Variants in SLC44A1 observed in about 807,000 individuals in gnomAD.
The protein encoded by SLC44A1 is choline transporter-like protein 1.
SLC44A1 carries 26 observed loss-of-function variants against 79.3 expected under a neutral mutation model. The ratio of observed to expected loss-of-function variants is 0.33; its 90% CI spans 0.24 to 0.46. The LOEUF (loss-of-function observed/expected upper bound fraction) is 0.46. SLC44A1 is among the 20% of genes least tolerant of loss of function. SLC44A1 has a pLI of 1.00. For missense variants in SLC44A1, 688 were observed against 798.1 expected (o/e 0.86, Z 1.66); for synonymous variants, 263 against 286.2 (o/e 0.92, Z 0.82).
chr9:105,426,819 C>T (rs981856063), intron 15 of SLC44A1, among the ~76,000 whole-genome samples: 5 of 152,162 alleles, frequency 3.3e-5, no homozygotes, highest in Admixed American at 2.0e-4. Flanking sequence ...ATATTAGTTA[C>T]AACCAAGTAA....
chr9:105,280,853 A>T (rs1830333880), intron 1 of SLC44A1, among the ~76,000 whole-genome samples: 1 of 152,208 alleles, frequency 6.6e-6, no homozygotes, highest in Non-Finnish European at 1.5e-5. Flanking sequence ...TAAGCTACCG[A>T]TGTAAAGTCC....
chr9:105,390,885 A>T lies in SLC44A1; in HGVS notation c.*1829A>T. 1 of 984,472 alleles carries T rather than the reference A, an allele frequency of 1.0e-6. No individual in the cohort carries two copies. The highest frequency in any genetic ancestry group is 1.2e-6 in the Non-Finnish European group (1 of 828,722). The allele number at this position is 984,472 out of a possible 1,614,324, so 61.0% of individuals were successfully genotyped here. ...AAAGAATAATTCTCCAGAAGTTAAC[A>T]TCTAATATCTAGTATCACCAAACAG... is the stretch of plus-strand genomic sequence containing the variant. On this transcript the variant is annotated 3_prime_UTR_variant, in exon 16 of 16. Coordinates refer to ENST00000374720, the MANE Select transcript of SLC44A1 (RefSeq NM_080546.5).
Position 105,394,191 on chromosome 9 carries a change from G to A in SLC44A1, c.*5135G>A. 1 of 985,388 alleles carries A rather than the reference G, an allele frequency of 1.0e-6. No individual in the cohort carries two copies. 61.0% of individuals were successfully genotyped at this position (985,388 alleles called of 1,614,324 possible). On this transcript the variant is annotated 3_prime_UTR_variant, in exon 16 of 16. Transcript: ENST00000374720. ...CAAAAGGCTGCTCTAAAGTTGTTCT[G>A]ATAATGTGTTTTGAAATGAGGAAGT...
intron 3 of SLC44A1, among the ~76,000 whole-genome samples, chr9:105,330,076 A>G (rs1028106392): frequency 1.3e-5 from 2 of 152,336 alleles, no homozygotes; most frequent in Admixed American, 1.3e-4. Context: ...CCAGGAGTAT[A>G]CACCTAGTAA....
rs763190255 is a variant in SLC44A1, at chr9:105,364,727, A to AT, written c.1253+8dup. On this transcript the variant is annotated splice_region_variant and intron_variant, in intron 10 of 15. Coordinates refer to ENST00000374720, the MANE Select transcript of SLC44A1 (RefSeq NM_080546.5). ...TAACATACTATTTTACTAGGTAAGA[A>AT]TATGTTGTTATTAGAAAACTCGAGT... is the stretch of plus-strand genomic sequence containing the variant. The AT allele has an allele frequency of 2.0e-5, 32 of 1,607,040 alleles. No homozygotes were observed. Among genetic ancestry groups the AT allele is most frequent in the Non-Finnish European group, 2.7e-5 (32 of 1,176,218 alleles).
chr9:105,402,908 C>T (rs972695614), intron 15 of SLC44A1, among the ~76,000 whole-genome samples: 1 of 151,634 alleles, frequency 6.6e-6, no homozygotes, highest in African/African-American at 2.4e-5. Context: ...AACTCCATAG[C>T]TCAAGCGATC....
intron 15 of SLC44A1, among the ~76,000 whole-genome samples, chr9:105,421,845 C>T (rs1829255197): frequency 6.6e-6 from 1 of 152,194 alleles, no homozygotes; most frequent in African/African-American, 2.4e-5. Context: ...CCTCGGCCTC[C>T]CAAAGTGCTG....
At position 105,260,690 on chromosome 9, in the gene SLC44A1, A is replaced by C. The variant is rs534044291; in HGVS notation, c.36+15786A>C. Among the ~76,000 whole-genome samples the C allele has an allele frequency of 5.3e-5, 8 of 152,308 alleles. No individual in the cohort carries two copies. In the East Asian group the frequency reaches 1.5e-3, roughly 29 times the overall value. The stretch of plus-strand genomic sequence containing the variant: ...ATTAGGTAGGGTAAATGATTGACAA[A>C]AGAATCCTTCAAGTTTGAAACTTGA... On this transcript the variant is annotated intron_variant, in intron 1 of 15. Transcript: ENST00000374720.
intron 12 of SLC44A1, among the ~76,000 whole-genome samples, chr9:105,373,428 A>C (rs1828175464): frequency 6.6e-6 from 1 of 152,218 alleles, no homozygotes; most frequent in Admixed American, 6.5e-5. Context: ...TGGAAAAAAA[A>C]ATCAGTCTGT....
chr9:105,251,304 C>T (rs1280146961), intron 1 of SLC44A1, among the ~76,000 whole-genome samples: 1 of 152,158 alleles, frequency 6.6e-6, no homozygotes, highest in African/African-American at 2.4e-5. Flanking sequence ...ACCTGCCTCT[C>T]ACTCTTCTAT....
chr9:105,275,878 C>T (rs1168311642), intron 1 of SLC44A1, among the ~76,000 whole-genome samples: 1 of 151,550 alleles, frequency 6.6e-6, no homozygotes, highest in Admixed American at 6.6e-5. Context: ...GATCTCAGCT[C>T]ACTGCAATCT....
intron 1 of SLC44A1, among the ~76,000 whole-genome samples, chr9:105,269,797 G>C: frequency 6.6e-6 from 1 of 152,170 alleles, no homozygotes; most frequent in Admixed American, 6.5e-5. Flanking sequence ...AATCCTCTTG[G>C]TGTTTGTTCA....
At chr9:105,397,671 G>A (rs191097044), downstream of SLC44A1, among the ~76,000 whole-genome samples, 101 of 152,258 alleles carry the variant, frequency 6.6e-4, 2 homozygotes, top group East Asian at 0.016. Context: ...TGGGCCGGGC[G>A]TGGTGGCTCA....
At chr9:105,268,588 C>A (rs958577516) in intron 1 of SLC44A1, among the ~76,000 whole-genome samples, 1 of 152,084 alleles carries the variant, frequency 6.6e-6, no homozygotes, top group African/African-American at 2.4e-5. Context: ...ACTGCAACCT[C>A]CACCTCCTGG....
intron 1 of SLC44A1, among the ~76,000 whole-genome samples, chr9:105,254,255 C>G (rs1200155731): frequency 6.6e-6 from 1 of 152,152 alleles, no homozygotes; most frequent in Non-Finnish European, 1.5e-5. Flanking sequence ...CCCTCAAGAT[C>G]CCAAGATGGC....
intron 1 of SLC44A1, among the ~76,000 whole-genome samples, chr9:105,279,246 A>G (rs1830289633): frequency 6.6e-6 from 1 of 151,714 alleles, no homozygotes; most frequent in Admixed American, 6.6e-5. Context: ...TTTTAATAAT[A>G]TGCTCAAAAA....
chr9:105,425,893 T>A lies in SLC44A1; in HGVS notation c.1951-12388T>A, dbSNP rs1289460578. Among the ~76,000 whole-genome samples, 4 of 152,180 alleles carry A rather than the reference T, an allele frequency of 2.6e-5. No individual in the cohort carries two copies. In the East Asian group the frequency reaches 7.7e-4, roughly 29 times the overall value. On this transcript the variant is annotated intron_variant, in intron 15 of 15. Coordinates refer to the SLC44A1 transcript ENST00000374724. Reference sequence around the variant, plus strand: ...AGGCAGAAAATTCTTACTGGAAAGATGGTCACTGGGACTCGTAATCAGCAA... The same window carrying A: ...AGGCAGAAAATTCTTACTGGAAAGAAGGTCACTGGGACTCGTAATCAGCAA...
At chr9:105,328,168 G>T (rs747402598) in intron 3 of SLC44A1, among the ~76,000 whole-genome samples, 1 of 152,190 alleles carries the variant, frequency 6.6e-6, no homozygotes, top group East Asian at 1.9e-4. Flanking sequence ...CACTAAGGAT[G>T]TAGGGATGAA....
At chr9:105,314,364 T>C (rs1286644913) in intron 3 of SLC44A1, among the ~76,000 whole-genome samples, 2 of 152,164 alleles carry the variant, frequency 1.3e-5, no homozygotes, top group Non-Finnish European at 2.9e-5. Flanking sequence ...TGGGTGACAG[T>C]AAGTAAGGAA....
Sources: allele counts gnomAD v4.1 joint callset (sites outside exome capture counted in the v4.1 genomes callset), GRCh38; gene constraint gnomAD v4.1.1; transcripts MANE v1.5; gene names NCBI Gene and HGNC (gene_info 2026-07-23, HGNC 2026-07-21).